BIRC6: variants seen among roughly 807,000 people sequenced by gnomAD.
BIRC6 encodes baculoviral IAP repeat containing 6.
A neutral mutation model predicts 503.3 loss-of-function variants in BIRC6; 98 were observed. The observed-to-expected ratio is 0.19, with a 90% confidence interval of 0.17 to 0.23. The LOEUF (loss-of-function observed/expected upper bound fraction) is 0.23. BIRC6 is among the 10% of genes least tolerant of loss of function. The pLI, the probability that BIRC6 is intolerant of heterozygous loss-of-function variation, is 1.00. For missense variants in BIRC6, 5,360 were observed against 5,806.0 expected, an observed-to-expected ratio of 0.92 and a Z score of 2.50; for synonymous variants, 2,240 against 2,078.7, an observed-to-expected ratio of 1.08 and a Z score of -2.11.
intron 63 of BIRC6, among the ~76,000 whole-genome samples, chr2:32,546,177 A>G (rs990311327): frequency 6.6e-6 from 1 of 152,202 alleles, no homozygotes; most frequent in Admixed American, 6.5e-5. Context: ...ATAATACTAT[A>G]GAATGGGGGT....
intron 43 of BIRC6, among the ~76,000 whole-genome samples, chr2:32,490,366 G>T (rs545532422): frequency 3.3e-5 from 5 of 152,256 alleles, no homozygotes; most frequent in African/African-American, 9.6e-5. Flanking sequence ...TGGCCAACAT[G>T]GTGAAACCTT....
chr2:32,466,734 C>G (rs1441832774), intron 26 of BIRC6, among the ~76,000 whole-genome samples: 1 of 152,058 alleles, frequency 6.6e-6, no homozygotes, highest in Non-Finnish European at 1.5e-5. Flanking sequence ...TTTAAAGAAG[C>G]TTGTTTGTAT....
chr2:32,440,751 T>TTTTTTA (rs773312894), intron 16 of BIRC6, among the ~76,000 whole-genome samples: 2 of 147,150 alleles, frequency 1.4e-5, no homozygotes, highest in Admixed American at 6.8e-5. Context: ...TGTTTATTTA[T>TTTTTTA]TTATTATTAT....
chr2:32,414,278 C>T (rs1249775581), intron 9 of BIRC6, among the ~76,000 whole-genome samples: 1 of 152,128 alleles, frequency 6.6e-6, no homozygotes, highest in Non-Finnish European at 1.5e-5. Flanking sequence ...ACTCCATCTC[C>T]AGAAAATAAA....
chr2:32,594,980 T>A lies in BIRC6; in HGVS notation c.13502-54T>A, dbSNP rs569506667. 2,594 of 1,122,540 alleles carry A rather than the reference T, an allele frequency of 2.3e-3. 8 individuals are homozygous for A. The highest frequency in any genetic ancestry group is 4.3e-3 in the Middle Eastern group (14 of 3,276). 69.5% of individuals were successfully genotyped at this position (1,122,540 alleles called of 1,614,324 possible). On this transcript the variant is annotated intron_variant, in intron 67 of 73. Transcript: ENST00000421745. Reference sequence around the variant, plus strand: ...GTGAATTCTTTTTAGTTTTATTTTTTAAAATATATACTTAAAATGTATATG... The same window carrying A: ...GTGAATTCTTTTTAGTTTTATTTTTAAAAATATATACTTAAAATGTATATG...
chr2:32,564,594 A>G (rs986330513), intron 65 of BIRC6: 1 of 152,212 alleles, frequency 6.6e-6, no homozygotes, highest in African/African-American at 2.4e-5. Context: ...TTTGATGACT[A>G]AGTATGTTAA....
At chr2:32,433,157 G>A (rs1284941820) in intron 12 of BIRC6, among the ~76,000 whole-genome samples, 1 of 152,104 alleles carries the variant, frequency 6.6e-6, no homozygotes, top group African/African-American at 2.4e-5. Context: ...TTGGAAGTGG[G>A]TTTTTTCATA....
At chr2:32,529,549 G>T in intron 59 of BIRC6, 102 bp from the exon 60 acceptor site, 1 of 1,120,320 alleles carries the variant, frequency 8.9e-7, no homozygotes, top group Non-Finnish European at 1.2e-6. Context: ...ATTGGTTTCA[G>T]AATCAAACTC....
At chr2:32,388,169 C>G (rs960670843) in intron 3 of BIRC6, among the ~76,000 whole-genome samples, 5 of 151,772 alleles carry the variant, frequency 3.3e-5, no homozygotes, top group Non-Finnish European at 7.4e-5. Flanking sequence ...GACAGATCAT[C>G]AGGTCAGGAG....
At chr2:32,524,124 C>T (rs1432439236) in intron 57 of BIRC6, among the ~76,000 whole-genome samples, 2 of 151,718 alleles carry the variant, frequency 1.3e-5, no homozygotes, top group Non-Finnish European at 2.9e-5. Flanking sequence ...ATTCATTCAG[C>T]CTTTAAATTT....
In BIRC6 at chr2:32,378,373, G is replaced by A. The variant is rs956972186; in HGVS notation, c.507+604G>A. 2.6e-5 allele frequency among the ~76,000 whole-genome samples: 4 copies of A among 152,026 alleles called. No homozygotes were observed. In the East Asian group the frequency reaches 7.7e-4, roughly 29 times the overall value. ...TCACATGACCACACCAAGCTGAGAG[G>A]GAGACTGGGAAAGAGGTGGTTCTTT... On this transcript the variant is annotated intron_variant, in intron 2 of 73. Transcript: ENST00000421745.
chr2:32,399,650 A>G (rs1304709298), intron 6 of BIRC6, among the ~76,000 whole-genome samples: 2 of 152,240 alleles, frequency 1.3e-5, no homozygotes, highest in African/African-American at 4.8e-5. Context: ...CCAGAAAGAA[A>G]TATAAAGGAA....
chr2:32,401,711 G>A, intron 8 of BIRC6, 88 bp downstream of exon 8: 22 of 1,205,974 alleles, frequency 1.8e-5, no homozygotes, highest in African/African-American at 3.1e-5. Flanking sequence ...TTAAAGAGGA[G>A]GAAAAAAAAG....
intron 1 of BIRC6, among the ~76,000 whole-genome samples, chr2:32,361,378 G>A (rs1429233623): frequency 3.3e-5 from 5 of 151,856 alleles, no homozygotes; most frequent in Non-Finnish European, 1.5e-5. Flanking sequence ...CTTTTTTAGA[G>A]CAGTTTTAGG....
At chr2:32,378,393 T>A (rs1023305713) in intron 2 of BIRC6, among the ~76,000 whole-genome samples, 13 of 151,806 alleles carry the variant, frequency 8.6e-5, no homozygotes, top group Admixed American at 3.3e-4. Context: ...AAAGAGGTGG[T>A]TCTTTCTTTC....
chr2:32,487,660 C>T lies in BIRC6; in HGVS notation c.7827C>T (p.Pro2609=). Residue 2609 remains proline, a synonymous_variant, in exon 41 of 74, where the codon CCC becomes CCT. Transcript: ENST00000421745. The part of the protein sequence containing the change: ...TNTSPTLSQS[P]TGTDDSLLGG... ...TTTAATTTTCAGTATCACAGTCTCC[C>T]ACTGGAACAGATGATTCACTTCTAG... 9.3e-6 allele frequency: 15 copies of T among 1,613,386 alleles called. No homozygotes were observed. Among genetic ancestry groups the T allele is most frequent in the Non-Finnish European group, 1.3e-5 (15 of 1,179,558 alleles).
At chr2:32,503,656 C>T (rs1472259146) in intron 49 of BIRC6, among the ~76,000 whole-genome samples, 1 of 151,484 alleles carries the variant, frequency 6.6e-6, no homozygotes, top group Non-Finnish European at 1.5e-5. Flanking sequence ...GCCTGACCTC[C>T]AGTGATCCAC....
chr2:32,445,860 T>C (rs2045891478), intron 21 of BIRC6, among the ~76,000 whole-genome samples, 192 bp downstream of exon 21: 1 of 141,702 alleles, frequency 7.1e-6, no homozygotes, highest in East Asian at 2.0e-4. Flanking sequence ...GAAATTACTC[T>C]TTTTTTTTTT....
chr2:32,574,480 C>T (rs1392327451), intron 65 of BIRC6: 1 of 152,314 alleles, frequency 6.6e-6, no homozygotes, highest in African/African-American at 2.4e-5. Context: ...GACTGGAAGC[C>T]TTACTGATAA....
Sources: gnomAD v4.1 joint callset for allele counts (sites outside exome capture counted in the v4.1 genomes callset) on GRCh38, gnomAD v4.1.1 for gene constraint, MANE v1.5 for transcripts, NCBI Gene and HGNC (gene_info 2026-07-23, HGNC 2026-07-21) for gene names.